CNOT10: variants seen among roughly 807,000 people sequenced by gnomAD.
CNOT10 encodes CCR4-NOT transcription complex, subunit 10.
In CNOT10, 30 loss-of-function variants were observed where a neutral mutation model predicts 94.6. That is an observed-to-expected ratio of 0.32 (90% CI 0.24 to 0.43). The LOEUF (loss-of-function observed/expected upper bound fraction) is 0.43, where lower values mean the gene tolerates loss of function less well. Among genes scored for constraint, CNOT10 ranks in the 20% least tolerant of loss-of-function variants. The pLI is 1.00. For missense variants in CNOT10, 759 were observed against 877.2 expected, an observed-to-expected ratio of 0.87 and a Z score of 1.70; for synonymous variants, 289 against 301.6, an observed-to-expected ratio of 0.96 and a Z score of 0.43.
chr3:32,759,659 C>T, intron 14 of CNOT10, 88 bp downstream of exon 14: 1 of 861,208 alleles, frequency 1.2e-6, no homozygotes, highest in Admixed American at 2.0e-5. Flanking sequence ...CTTTTGACTC[C>T]TCCAGTGGAA....
chr3:32,699,812 T>G (rs1294983147), intron 1 of CNOT10, among the ~76,000 whole-genome samples: 1 of 152,036 alleles, frequency 6.6e-6, no homozygotes, highest in East Asian at 1.9e-4. Context: ...AAGAACCCCA[T>G]AACCAGTGTG....
At chr3:32,716,411 C>T (rs1698122973) in intron 6 of CNOT10, 100 bp downstream of exon 6, 2 of 587,740 alleles carry the variant, frequency 3.4e-6, no homozygotes, top group South Asian at 5.3e-5. Context: ...GTCAATAATT[C>T]AAGGTGCATA....
intron 1 of CNOT10, 48 bp downstream of exon 1, chr3:32,685,530 C>T (rs1696558415): frequency 6.5e-7 from 1 of 1,546,884 alleles, no homozygotes. Context: ...CGTGCGGGGC[C>T]GGGCGGACCC....
intron 13 of CNOT10, chr3:32,753,521 C>A: frequency 6.3e-7 from 1 of 1,576,728 alleles, no homozygotes; most frequent in Non-Finnish European, 8.7e-7. Flanking sequence ...AAAGTAGTTT[C>A]AACCAAGATT....
intron 1 of CNOT10, among the ~76,000 whole-genome samples, chr3:32,692,326 G>T (rs549121566): frequency 6.6e-6 from 1 of 152,216 alleles, no homozygotes; most frequent in South Asian, 2.1e-4. Flanking sequence ...AAACTCTTGG[G>T]CTGAAGGAAT....
rs372541854 is a variant in CNOT10 at position 32,762,936 on chromosome 3, G to T, written c.1840+73G>T. ...CTCCTGTCATAATTCAGGATGTGTG[G>T]AAATTTAGGCATGGTGGTAATGAGA... On this transcript the variant is annotated intron_variant, in intron 15 of 18. Coordinates refer to ENST00000328834, the MANE Select transcript of CNOT10 (RefSeq NM_015442.3). 2.5e-5 allele frequency: 35 copies of T among 1,421,106 alleles called. No individual in the cohort carries two copies. The East Asian group carries it at 3.3e-4, about 13-fold the overall frequency. 88.0% of individuals were successfully genotyped at this position (1,421,106 alleles called of 1,614,324 possible). A position where few individuals can be genotyped will look rare whatever the true frequency, so the allele number is the denominator to read the frequency against.
intron 8 of CNOT10, among the ~76,000 whole-genome samples, chr3:32,722,683 T>A (rs1156443493): frequency 4.0e-5 from 6 of 151,880 alleles, no homozygotes; most frequent in Non-Finnish European, 5.9e-5. Context: ...TAAAAATAAA[T>A]TAATAAATAA....
At chr3:32,745,688 A>G (rs1263101038) in intron 13 of CNOT10, among the ~76,000 whole-genome samples, 1 of 152,188 alleles carries the variant, frequency 6.6e-6, no homozygotes, top group African/African-American at 2.4e-5. Flanking sequence ...ATTTTGGAAT[A>G]CTAGTCAGCT....
At chr3:32,719,204 G>A (rs6770373) in intron 7 of CNOT10, among the ~76,000 whole-genome samples, 9,323 of 150,180 alleles carry the variant, frequency 0.062, 324 homozygotes, top group African/African-American at 0.092. Context: ...AGCCGAGATC[G>A]CGCCACTGCA....
chr3:32,768,376 G>A (rs894677337), intron 17 of CNOT10, among the ~76,000 whole-genome samples: 1 of 152,140 alleles, frequency 6.6e-6, no homozygotes, highest in Non-Finnish European at 1.5e-5. Context: ...GAGGTGAGGA[G>A]TTCAAGACTA....
intron 13 of CNOT10, among the ~76,000 whole-genome samples, chr3:32,747,244 T>A (rs1338574810): frequency 2.0e-5 from 3 of 151,982 alleles, no homozygotes; most frequent in Non-Finnish European, 4.4e-5. Context: ...GGTGAAACTC[T>A]GTCTCTACTA....
intron 1 of CNOT10, among the ~76,000 whole-genome samples, chr3:32,689,423 T>C (rs1274013343): frequency 1.3e-5 from 2 of 151,330 alleles, no homozygotes; most frequent in East Asian, 3.9e-4. Context: ...TCAGATAGAT[T>C]AGAGAAGGGC....
chr3:32,723,773 A>T (rs1698528020), intron 8 of CNOT10, among the ~76,000 whole-genome samples: 1 of 152,192 alleles, frequency 6.6e-6, no homozygotes, highest in African/African-American at 2.4e-5. Context: ...CAGAAAAAAC[A>T]TCTGTAACCA....
intron 14 of CNOT10, among the ~76,000 whole-genome samples, chr3:32,762,078 T>C (rs1196776092): frequency 6.7e-6 from 1 of 149,324 alleles, no homozygotes; most frequent in Non-Finnish European, 1.5e-5. Flanking sequence ...ACCTGGAGAG[T>C]TTTAAAACTA....
intron 15 of CNOT10, 145 bp downstream of exon 15, chr3:32,763,008 G>T: frequency 1.3e-6 from 1 of 764,288 alleles, no homozygotes; most frequent in Non-Finnish European, 1.9e-6. Context: ...TACTTACTTT[G>T]TAGCAGTTGT....
chr3:32,719,122 G>A (rs969928064), intron 7 of CNOT10, among the ~76,000 whole-genome samples: 4 of 152,316 alleles, frequency 2.6e-5, no homozygotes, highest in Non-Finnish European at 4.4e-5. Flanking sequence ...GGTGGCATGC[G>A]CCTGTAATCC....
At chr3:32,756,350 C>T (rs1304932509) in intron 13 of CNOT10, among the ~76,000 whole-genome samples, 3 of 152,180 alleles carry the variant, frequency 2.0e-5, no homozygotes, top group Admixed American at 2.0e-4. Context: ...TTGAAGAAAG[C>T]AGATTTTTAT....
chr3:32,757,408 A>G lies in CNOT10; in HGVS notation c.1596-2050A>G, dbSNP rs188850961. On this transcript the variant is annotated intron_variant, in intron 13 of 18. Coordinates refer to ENST00000328834, the MANE Select transcript of CNOT10 (RefSeq NM_015442.3). The stretch of plus-strand genomic sequence containing the variant: ...TGGTCAAGCTGGTCTCGAACTCCCA[A>G]CCTCAGGTGATCAGCCTGTCTCAGC... Among the ~76,000 whole-genome samples the G allele has an allele frequency of 2.1e-3, 313 of 151,816 alleles. 2 individuals carry two copies. Among genetic ancestry groups the G allele is most frequent in the Middle Eastern group, 0.017 (5 of 294 alleles).
chr3:32,703,907 C>G lies in CNOT10; in HGVS notation c.62C>G (p.Ser21Cys), dbSNP rs1697488408. The change falls in exon 2 of 19, where the codon TCT (serine) becomes TGT (cysteine). Residue 21 changes from serine to cysteine, a missense_variant. Physicochemically the swap from Ser to Cys is moderately radical, Grantham distance 112. This residue lies in a region of CNOT10 where 682 missense variants were observed against 799.4 expected (regional missense o/e 0.85). Coordinates refer to ENST00000328834, the MANE Select transcript of CNOT10 (RefSeq NM_015442.3). ...AEKHEGTGQS[S>C]GITDQEKELS... ...AAACATGAAGGCACAGGTCAGTCCT[C>G]TGGGATCACTGATCAAGAGAAGGAG... The G allele has an allele frequency of 6.2e-7, 1 of 1,613,800 alleles. No individual in the cohort carries two copies. The highest frequency in any genetic ancestry group is 1.3e-5 in the African/African-American group (1 of 74,904).
Sources: gnomAD v4.1 joint callset for allele counts (sites outside exome capture counted in the v4.1 genomes callset) on GRCh38, gnomAD v4.1.1 for gene constraint, gnomAD v4.1.1 regional missense constraint, MANE v1.5 for transcripts, NCBI Gene and HGNC (gene_info 2026-07-23, HGNC 2026-07-21) for gene names.